ARSG: variants seen among roughly 807,000 people sequenced by gnomAD.
ARSG encodes the protein arylsulfatase G.
A neutral mutation model predicts 50.5 loss-of-function variants in ARSG; 37 were observed. The ratio of observed to expected loss-of-function variants is 0.73; its 90% CI spans 0.56 to 0.96. ARSG has a LOEUF of 0.96. Ranked by LOEUF, ARSG falls within the 50% of genes least tolerant of loss-of-function variation. The pLI is 0.00. For synonymous variants in ARSG, 225 were observed against 254.6 expected (o/e 0.88, Z 1.11); for missense variants, 629 against 675.3 (o/e 0.93, Z 0.76).
intron 2 of ARSG, among the ~76,000 whole-genome samples, chr17:68,330,994 T>G (rs1013527181): frequency 0.027 from 1,195 of 44,356 alleles, no homozygotes; most frequent in Non-Finnish European, 0.03. Flanking sequence ...GGGGGGGAGG[T>G]GGTGGGCGGG....
chr17:68,275,367 A>G (rs1291692823), intron 1 of ARSG, among the ~76,000 whole-genome samples: 1 of 152,186 alleles, frequency 6.6e-6, no homozygotes, highest in Non-Finnish European at 1.5e-5. Context: ...GGGTTAGTCT[A>G]TATGTATCTA....
intron 3 of ARSG, among the ~76,000 whole-genome samples, chr17:68,344,064 C>T (rs958533614): frequency 3.3e-5 from 5 of 152,338 alleles, no homozygotes; most frequent in East Asian, 1.9e-4. Context: ...TGCTCTCACT[C>T]GATCTTTCTG....
the ARSG span, among the ~76,000 whole-genome samples, chr17:68,434,017 G>A: frequency 2.0e-5 from 3 of 151,946 alleles, no homozygotes; most frequent in African/African-American, 7.3e-5. Context: ...TGATCTGCCT[G>A]CCTTGGCCTC....
intron 2 of ARSG, among the ~76,000 whole-genome samples, chr17:68,328,377 G>T (rs928025755): frequency 3.3e-5 from 5 of 152,154 alleles, no homozygotes; most frequent in Non-Finnish European, 7.3e-5. Flanking sequence ...TTTTGCAGAA[G>T]AAGATAACTG....
At chr17:68,335,055 G>T (rs1225929994) in intron 2 of ARSG, among the ~76,000 whole-genome samples, 3 of 152,054 alleles carry the variant, frequency 2.0e-5, no homozygotes, top group Non-Finnish European at 2.9e-5. Flanking sequence ...GGAGTGCAGT[G>T]GTGCGATCAT....
intron 1 of ARSG, chr17:68,267,765 AAAAC>A (rs2075202177): frequency 6.6e-6 from 1 of 152,236 alleles, no homozygotes; most frequent in African/African-American, 2.4e-5. Context: ...AAGGAAGAAT[AAAAC>A]AAACAAAACA....
At chr17:68,427,571 G>T (rs2083281348), downstream of ARSG, 2 of 198,286 alleles carry the variant, frequency 1.0e-5, no homozygotes, top group Admixed American at 5.7e-5. Context: ...TGGCCAGGCT[G>T]GTCTCGAACT....
At chr17:68,384,008 C>A (rs773295148) in intron 8 of ARSG, among the ~76,000 whole-genome samples, 1 of 152,156 alleles carries the variant, frequency 6.6e-6, no homozygotes, top group Non-Finnish European at 1.5e-5. Flanking sequence ...CCAGGGACAT[C>A]AAAGGTTCCG....
the ARSG span, among the ~76,000 whole-genome samples, chr17:68,439,815 T>C: frequency 6.6e-6 from 1 of 152,186 alleles, no homozygotes; most frequent in East Asian, 1.9e-4. Flanking sequence ...TACCGTGATA[T>C]AGAGGTCTTT....
At chr17:68,373,305 C>T (rs1031042455) in intron 8 of ARSG, among the ~76,000 whole-genome samples, 25 of 151,430 alleles carry the variant, frequency 1.7e-4, no homozygotes, top group African/African-American at 4.9e-4. Context: ...TCTCGGCTCA[C>T]TGCAACCTCC....
chr17:68,278,403 A>G (rs1257343802), intron 1 of ARSG: 4 of 811,836 alleles, frequency 4.9e-6, no homozygotes, highest in Middle Eastern at 2.4e-4. Context: ...TTAAGCAAAC[A>G]ACAGATAAGA....
At chr17:68,346,844 G>C in intron 3 of ARSG, 1 of 1,387,096 alleles carries the variant, frequency 7.2e-7, no homozygotes. Context: ...CCTCTTTGAG[G>C]GGCAGAGGCT....
chr17:68,400,570 A>G (rs745914381), intron 10 of ARSG: 1 of 150,310 alleles, frequency 6.7e-6, no homozygotes, highest in Non-Finnish European at 1.5e-5. Flanking sequence ...AAAACAAGTA[A>G]GTCCCCAGGG....
chr17:68,337,727 C>T (rs556029587), intron 2 of ARSG, among the ~76,000 whole-genome samples: 1 of 152,300 alleles, frequency 6.6e-6, no homozygotes, highest in Non-Finnish European at 1.5e-5. Context: ...CAGTGATTCT[C>T]CTGCCTCAGC....
intron 9 of ARSG, among the ~76,000 whole-genome samples, chr17:68,386,084 A>C (rs1299166017): frequency 6.6e-6 from 1 of 152,212 alleles, no homozygotes; most frequent in African/African-American, 2.4e-5. Flanking sequence ...TTGCCGCCTT[A>C]AGGCAGATCC....
intron 1 of ARSG, among the ~76,000 whole-genome samples, chr17:68,262,550 A>G (rs1450959322): frequency 6.6e-6 from 1 of 151,596 alleles, no homozygotes; most frequent in African/African-American, 2.4e-5. Flanking sequence ...CAGGCAGTTC[A>G]TGCAGGGCCC....
At chr17:68,344,953 T>A (rs983217385) in intron 3 of ARSG, among the ~76,000 whole-genome samples, 2 of 152,182 alleles carry the variant, frequency 1.3e-5, no homozygotes, top group African/African-American at 4.8e-5. Context: ...CCTGATATCC[T>A]TTTACGGAAG....
intron 8 of ARSG, among the ~76,000 whole-genome samples, chr17:68,374,392 T>A (rs964746818): frequency 6.6e-6 from 1 of 152,230 alleles, no homozygotes. Flanking sequence ...GGGAAGGATC[T>A]GTAAGTAAGT....
chr17:68,436,648 A>G, the ARSG span, among the ~76,000 whole-genome samples: 3 of 152,216 alleles, frequency 2.0e-5, no homozygotes, highest in African/African-American at 7.2e-5. Flanking sequence ...AAGGCTTCCA[A>G]TAAAGCAACT....
Sources: allele counts gnomAD v4.1 joint callset (sites outside exome capture counted in the v4.1 genomes callset), GRCh38; gene constraint gnomAD v4.1.1; transcripts MANE v1.5; gene names NCBI Gene and HGNC (gene_info 2026-07-23, HGNC 2026-07-21).